GABRA6: variants seen among roughly 807,000 people sequenced by gnomAD.
GABRA6 encodes gamma-aminobutyric acid receptor subunit alpha-6.
Under a neutral mutation model 47.3 loss-of-function variants are expected in GABRA6, and 45 were observed. The observed-to-expected ratio is 0.95, with a 90% confidence interval of 0.75 to 1.22. The LOEUF (loss-of-function observed/expected upper bound fraction) is 1.22. GABRA6 is among the 50% of genes most tolerant of loss of function. The pLI, the probability that GABRA6 is intolerant of heterozygous loss-of-function variation, is 0.00. For synonymous variants in GABRA6, 219 were observed against 194.7 expected (o/e 1.12, Z -1.04); for missense variants, 583 against 549.3 (o/e 1.06, Z -0.61).
rs78217233 is a variant in GABRA6, at chr5:161,697,472, C to G, written c.1087-4026C>G. ...GCCAGGCCTCTTGCATTTCCTTTAG[C>G]CTATCATATTTGCTGCCTGTAGAAA... On this transcript the variant is annotated intron_variant, in intron 8 of 8. Coordinates refer to ENST00000274545, the MANE Select transcript of GABRA6 (RefSeq NM_000811.3). 1.1e-3 allele frequency among the ~76,000 whole-genome samples: 171 copies of G among 152,272 alleles called. 1 individual carries two copies. Among genetic ancestry groups the G allele is most frequent in the African/African-American group, 3.8e-3 (159 of 41,562 alleles).
Position 161,686,335 on chromosome 5 carries a change from G to T in GABRA6, c.144G>T (p.Arg48=). ...NLLEGYDNRL[R]PGFGGAVTEV... Reference sequence around the variant, plus strand: ...TTGAAGGCTATGACAATCGGCTGCGGCCGGGATTTGGAGGTAAGAAGCTGC... The same window carrying T: ...TTGAAGGCTATGACAATCGGCTGCGTCCGGGATTTGGAGGTAAGAAGCTGC... The change falls in exon 2 of 9, where the codon CGG becomes CGT. Residue 48 remains arginine (R), a synonymous_variant. Transcript: ENST00000274545. 6.2e-7 allele frequency: 1 copy of T among 1,613,370 alleles called. No individual in the cohort carries two copies. Among genetic ancestry groups the T allele is most frequent in the Non-Finnish European group, 8.5e-7 (1 of 1,179,284 alleles).
At chr5:161,695,461 T>TA (rs1339035119) in intron 8 of GABRA6, among the ~76,000 whole-genome samples, 1 of 152,098 alleles carries the variant, frequency 6.6e-6, no homozygotes, top group Non-Finnish European at 1.5e-5. Flanking sequence ...ACCTTAATAT[T>TA]AGAGAGTTAC....
In GABRA6 at chr5:161,685,921, C is replaced by G; in HGVS notation, c.-69C>G. 8.1e-7 allele frequency: 1 copy of G among 1,227,702 alleles called. No individual in the cohort carries two copies. 76.1% of individuals were successfully genotyped at this position (1,227,702 alleles called of 1,614,324 possible). A position where few individuals can be genotyped will look rare whatever the true frequency, so the allele number is the denominator to read the frequency against. ...TTGAAAGATTTCTCCAGTTGATTGG[C>G]AGAGAAGAGCTGGCTAGCAGGGAGG... is the stretch of plus-strand genomic sequence containing the variant. On this transcript the variant is annotated 5_prime_UTR_variant, in exon 1 of 9. Transcript: ENST00000274545.
intron 8 of GABRA6, among the ~76,000 whole-genome samples, chr5:161,700,406 G>A (rs533728954): frequency 7.2e-5 from 11 of 152,310 alleles, no homozygotes; most frequent in Middle Eastern, 3.4e-3. Context: ...CACAAGGAGG[G>A]TGTTTGTTAC....
At position 161,701,599 on chromosome 5, in the gene GABRA6, C is replaced by G. The variant is rs1448167428; in HGVS notation, c.1188C>G (p.Ile396Met). ...ATAAAGTGCTCACGAGAGCGCCCAT[C>G]TTACAATCAACACCTGTCACACCCC... ...EANKVLTRAP[I>M]LQSTPVTPPP... The change falls in exon 9 of 9, where the codon ATC (isoleucine) becomes ATG (methionine). Residue 396 changes from isoleucine (I) to methionine (M), a missense_variant. By Grantham distance (10) the Ile-to-Met change is conservative. Coordinates refer to ENST00000274545, the MANE Select transcript of GABRA6 (RefSeq NM_000811.3). The G allele has an allele frequency of 6.2e-7, 1 of 1,614,170 alleles. No individual in the cohort carries two copies. Among genetic ancestry groups the G allele is most frequent in the Middle Eastern group, 1.6e-4 (1 of 6,062 alleles).
Position 161,701,659 on chromosome 5 carries a change from A to C in GABRA6, c.1248A>C (p.Lys416Asn). 3 of 1,614,172 alleles carry C rather than the reference A, an allele frequency of 1.9e-6. No individual in the cohort carries two copies. The highest frequency in any genetic ancestry group is 2.5e-6 in the Non-Finnish European group (3 of 1,180,030). The change falls in exon 9 of 9, where the codon AAA becomes AAC. Residue 416 changes from lysine (K) to asparagine (N), a missense_variant. Coordinates refer to ENST00000274545, the MANE Select transcript of GABRA6 (RefSeq NM_000811.3). ...PLSPAFGGTSKIDQYSRILFP... is the reference protein window; with the variant it reads ...PLSPAFGGTSNIDQYSRILFP... ...CGCCAGCCTTTGGAGGCACCAGTAA[A>C]ATAGACCAGTATTCTCGAATTCTCT... is the stretch of plus-strand genomic sequence containing the variant.
intron 8 of GABRA6, among the ~76,000 whole-genome samples, chr5:161,694,381 A>C (rs1199303825): frequency 6.6e-6 from 1 of 151,944 alleles, no homozygotes; most frequent in Non-Finnish European, 1.5e-5. Flanking sequence ...CAGATATTGA[A>C]ATAAAAACAA....
chr5:161,687,828 A>G (rs1010028468), intron 3 of GABRA6, among the ~76,000 whole-genome samples: 3 of 152,182 alleles, frequency 2.0e-5, no homozygotes, highest in African/African-American at 4.8e-5. Flanking sequence ...GAAGGAGTAA[A>G]GGAAGAAGAG....
At chr5:161,699,621 T>C (rs1466426223) in intron 8 of GABRA6, among the ~76,000 whole-genome samples, 1 of 146,224 alleles carries the variant, frequency 6.8e-6, no homozygotes, top group African/African-American at 2.5e-5. Context: ...GTGGCCACCA[T>C]ACCAGCTAAT....
rs1166635218 is a variant in GABRA6, at chr5:161,702,231, T to C, written c.*458T>C. 1 of 173,018 alleles carries C rather than the reference T, an allele frequency of 5.8e-6. No homozygotes were observed. The highest frequency in any genetic ancestry group is 1.3e-5 in the Non-Finnish European group (1 of 79,872). 10.7% of individuals were successfully genotyped at this position (173,018 alleles called of 1,614,324 possible). ...TTATCAGTAGGTTAATACCAGCATGTTGGAGGCCTTTATGCTAGTAAAATG... is the reference window on the plus strand; with the variant it reads ...TTATCAGTAGGTTAATACCAGCATGCTGGAGGCCTTTATGCTAGTAAAATG... On this transcript the variant is annotated 3_prime_UTR_variant, in exon 9 of 9. Transcript: ENST00000274545.
intron 5 of GABRA6, 57 bp from the exon 6 acceptor site, chr5:161,689,579 G>A: frequency 1.4e-6 from 2 of 1,472,236 alleles, no homozygotes; most frequent in South Asian, 1.2e-5. Flanking sequence ...CACTTTGAAG[G>A]AAAAAAAGAC....
intron 2 of GABRA6, 27 bp from the exon 3 acceptor site, chr5:161,686,909 T>G (rs1242771963): frequency 6.2e-7 from 1 of 1,603,940 alleles, no homozygotes; most frequent in East Asian, 2.2e-5. Context: ...TGGTGATAAT[T>G]GTTTCATCCC....
At chr5:161,700,993 T>A (rs1031616400) in intron 8 of GABRA6, among the ~76,000 whole-genome samples, 1 of 152,238 alleles carries the variant, frequency 6.6e-6, no homozygotes, top group African/African-American at 2.4e-5. Context: ...TTCAAGCTTA[T>A]GAGTGTGCAA....
rs1254946149 is a variant in GABRA6 at position 161,689,796 on chromosome 5, AG to A, written c.673+19del. On this transcript the variant is annotated intron_variant, in intron 6 of 8. Coordinates refer to ENST00000274545, the MANE Select transcript of GABRA6 (RefSeq NM_000811.3). ...CTAACACAGGTAAGAATTTGACCAAAGGATGGAAATAATCCCTCAGGATGAC... is the reference window on the plus strand; with the variant it reads ...CTAACACAGGTAAGAATTTGACCAAAGATGGAAATAATCCCTCAGGATGAC... 6.2e-7 allele frequency: 1 copy of A among 1,608,698 alleles called. No individual in the cohort carries two copies. The highest frequency in any genetic ancestry group is 2.2e-5 in the East Asian group (1 of 44,796).
At chr5:161,700,008 G>A (rs983187457) in intron 8 of GABRA6, among the ~76,000 whole-genome samples, 7 of 152,076 alleles carry the variant, frequency 4.6e-5, no homozygotes, top group African/African-American at 1.7e-4. Flanking sequence ...ATTTCTCCAT[G>A]GCCCCTAAAA....
At position 161,701,002 on chromosome 5, in the gene GABRA6, A is replaced by C. The variant is rs956663035; in HGVS notation, c.1087-496A>C. On this transcript the variant is annotated intron_variant, in intron 8 of 8. Coordinates refer to ENST00000274545, the MANE Select transcript of GABRA6 (RefSeq NM_000811.3). ...AGCTGATTCAAGCTTATGAGTGTGC[A>C]AAGATGAGAATGTAGGCTGGGAATG... 2.6e-5 allele frequency among the ~76,000 whole-genome samples: 4 copies of C among 152,192 alleles called. 1 individual carries two copies. The highest frequency in any genetic ancestry group is 2.6e-4 in the Admixed American group (4 of 15,274).
Position 161,685,905 on chromosome 5 carries a change from T to A in GABRA6, c.-85T>A, listed in dbSNP as rs1337660880. The A allele has an allele frequency of 3.7e-6, 4 of 1,068,514 alleles. No individual in the cohort carries two copies. In the African/African-American group the frequency reaches 4.6e-5, roughly 12 times the overall value. 66.2% of individuals were successfully genotyped at this position (1,068,514 alleles called of 1,614,324 possible). A position where few individuals can be genotyped will look rare whatever the true frequency, so the allele number is the denominator to read the frequency against. On this transcript the variant is annotated 5_prime_UTR_variant, in exon 1 of 9. Transcript: ENST00000274545. ...CAGAGATATGAAGGGTTTGAAAGAT[T>A]TCTCCAGTTGATTGGCAGAGAAGAG... is the stretch of plus-strand genomic sequence containing the variant.
chr5:161,696,592 C>T lies in GABRA6; in HGVS notation c.1086+4392C>T, dbSNP rs1754890329. On this transcript the variant is annotated intron_variant, in intron 8 of 8. Transcript: ENST00000274545. ...CCCTTCCCCATACCTTCTATCAAATCCCCACCCAATATTTTATTATGAACT... is the reference window on the plus strand; with the variant it reads ...CCCTTCCCCATACCTTCTATCAAATTCCCACCCAATATTTTATTATGAACT... Among the ~76,000 whole-genome samples the T allele has an allele frequency of 2.6e-5, 4 of 152,022 alleles. No homozygotes were observed. The South Asian group carries it at 8.3e-4, about 32-fold the overall frequency.
At chr5:161,698,624 A>T (rs1207247698) in intron 8 of GABRA6, among the ~76,000 whole-genome samples, 2 of 152,048 alleles carry the variant, frequency 1.3e-5, no homozygotes. Flanking sequence ...ATAGGAAAAA[A>T]GTTACTTGTT....
Sources: gnomAD v4.1 joint callset for allele counts (sites outside exome capture counted in the v4.1 genomes callset) on GRCh38, gnomAD v4.1.1 for gene constraint, MANE v1.5 for transcripts, NCBI Gene and HGNC (gene_info 2026-07-23, HGNC 2026-07-21) for gene names.